Variants in MARCHF1 observed in about 807,000 individuals in gnomAD.
The protein encoded by MARCHF1 is membrane associated ring-CH-type finger 1.
MARCHF1 carries 40 observed loss-of-function variants against 54.2 expected under a neutral mutation model. That is an observed-to-expected ratio of 0.74 (90% confidence interval 0.57 to 0.96). The LOEUF (loss-of-function observed/expected upper bound fraction) is 0.96, where lower values mean the gene tolerates loss of function less well. MARCHF1 is among the 40% of genes least tolerant of loss of function. The pLI, the probability that MARCHF1 is intolerant of heterozygous loss-of-function variation, is 0.00. For synonymous variants in MARCHF1, 236 were observed against 236.3 expected, an observed-to-expected ratio of 1.00 and a Z score of 0.01; for missense variants, 586 against 656.5, an observed-to-expected ratio of 0.89 and a Z score of 1.17.
chr4:163,789,034 A>ATTTT (rs113116932), intron 4 of MARCHF1, among the ~76,000 whole-genome samples: 3,149 of 152,098 alleles, frequency 0.021, 65 homozygotes, highest in African/African-American at 0.051. Context: ...TCTAATGGTG[A>ATTTT]TTTTTGTTTC....
intron 3 of MARCHF1, among the ~76,000 whole-genome samples, chr4:163,979,794 G>A (rs1752724686): frequency 1.3e-5 from 2 of 152,048 alleles, no homozygotes; most frequent in Admixed American, 1.3e-4. Context: ...ATTTTTTCAT[G>A]TGTTTTTTGG....
At chr4:163,763,498 G>A (rs1463957122) in intron 4 of MARCHF1, among the ~76,000 whole-genome samples, 4 of 151,926 alleles carry the variant, frequency 2.6e-5, no homozygotes, top group Admixed American at 6.6e-5. Context: ...GCAGATACTC[G>A]TTTTTCTCAG....
intron 4 of MARCHF1, among the ~76,000 whole-genome samples, chr4:163,825,537 T>C (rs1748825445): frequency 6.6e-6 from 1 of 152,088 alleles, no homozygotes. Context: ...CCACAATGGC[T>C]GAACTAATTT....
chr4:164,037,675 A>G (rs1027941888), intron 2 of MARCHF1, among the ~76,000 whole-genome samples: 1 of 152,208 alleles, frequency 6.6e-6, no homozygotes, highest in East Asian at 1.9e-4. Flanking sequence ...CTTCAATCCA[A>G]TGAGTACAGT....
intron 8 of MARCHF1, among the ~76,000 whole-genome samples, chr4:163,557,783 C>CT (rs1395768977): frequency 6.6e-6 from 1 of 151,986 alleles, no homozygotes; most frequent in African/African-American, 2.4e-5. Flanking sequence ...ATGTTGAATA[C>CT]TTTTTCACTG....
chr4:164,121,187 G>A (rs1308696089), intron 1 of MARCHF1, among the ~76,000 whole-genome samples: 1 of 152,046 alleles, frequency 6.6e-6, no homozygotes, highest in Admixed American at 6.6e-5. Context: ...GCTACTATGA[G>A]CAATTATCTG....
chr4:163,717,706 G>C (rs910913351), intron 4 of MARCHF1, among the ~76,000 whole-genome samples: 1 of 152,126 alleles, frequency 6.6e-6, no homozygotes, highest in African/African-American at 2.4e-5. Flanking sequence ...GTGTGAGATG[G>C]TATCTCATTG....
At chr4:163,839,797 A>G (rs962168255) in intron 4 of MARCHF1, among the ~76,000 whole-genome samples, 1 of 152,112 alleles carries the variant, frequency 6.6e-6, no homozygotes, top group African/African-American at 2.4e-5. Flanking sequence ...GATTATACCG[A>G]TGATTGCAGA....
chr4:164,226,847 T>G (rs1348135350), intron 1 of MARCHF1, among the ~76,000 whole-genome samples: 1 of 152,028 alleles, frequency 6.6e-6, no homozygotes, highest in Non-Finnish European at 1.5e-5. Context: ...TGAATGAAAG[T>G]GTAACCAAAC....
intron 2 of MARCHF1, among the ~76,000 whole-genome samples, chr4:164,066,478 A>C (rs1188499452): frequency 2.0e-5 from 3 of 152,222 alleles, no homozygotes; most frequent in Admixed American, 2.0e-4. Flanking sequence ...AAAGACCTAC[A>C]GACAGAAATA....
chr4:163,857,107 G>GA (rs1191423637), intron 3 of MARCHF1, among the ~76,000 whole-genome samples: 2,113 of 130,026 alleles, frequency 0.016, 95 homozygotes, highest in Admixed American at 0.12. Flanking sequence ...GGGAGAGAGA[G>GA]AAAAAAAAAA....
chr4:164,052,793 C>T (rs999663461), intron 2 of MARCHF1, among the ~76,000 whole-genome samples: 7 of 151,924 alleles, frequency 4.6e-5, no homozygotes, highest in African/African-American at 1.7e-4. Flanking sequence ...CTTCCTGACA[C>T]CAGGATTAGA....
chr4:163,770,783 T>C (rs1017410728), intron 4 of MARCHF1, among the ~76,000 whole-genome samples: 3 of 152,144 alleles, frequency 2.0e-5, no homozygotes, highest in African/African-American at 7.2e-5. Context: ...TCAACGCTCA[T>C]GAGATGAGAA....
At chr4:164,172,145 G>A (rs550797060) in intron 1 of MARCHF1, among the ~76,000 whole-genome samples, 1 of 152,196 alleles carries the variant, frequency 6.6e-6, no homozygotes, top group Admixed American at 6.5e-5. Context: ...TAGTCTATAA[G>A]AGCAGAAACT....
At chr4:163,713,222 G>C (rs1246843141) in intron 4 of MARCHF1, among the ~76,000 whole-genome samples, 1 of 151,792 alleles carries the variant, frequency 6.6e-6, no homozygotes, top group Non-Finnish European at 1.5e-5. Context: ...GCCACTTTCC[G>C]GCCTATAGAA....
intron 2 of MARCHF1, among the ~76,000 whole-genome samples, chr4:163,998,621 T>C (rs1209420909): frequency 6.6e-6 from 1 of 151,738 alleles, no homozygotes; most frequent in Admixed American, 6.6e-5. Context: ...TTTATATCCT[T>C]TGACCAACAT....
intron 5 of MARCHF1, among the ~76,000 whole-genome samples, chr4:163,679,795 G>C (rs1391698914): frequency 1.3e-5 from 2 of 151,526 alleles, no homozygotes; most frequent in Admixed American, 1.3e-4. Context: ...TGTATTTTTA[G>C]TAGAGACGGG....
At position 164,110,811 on chromosome 4, in the gene MARCHF1, A is replaced by G. The variant is rs555228220; in HGVS notation, c.-248+777T>C. Among the ~76,000 whole-genome samples, 3 of 151,770 alleles carry G rather than the reference A, an allele frequency of 2.0e-5. No homozygotes were observed. The East Asian group carries it at 5.8e-4, about 29-fold the overall frequency. On this transcript the variant is annotated intron_variant, in intron 2 of 9. Coordinates refer to ENST00000514618, the MANE Select transcript of MARCHF1 (RefSeq NM_001394959.1). ...TAGGAAACTACTTATGGGCAAAGGGACTATTTTATCTCAATATCAGAAAGC... is the reference window on the plus strand; with the variant it reads ...TAGGAAACTACTTATGGGCAAAGGGGCTATTTTATCTCAATATCAGAAAGC...
chr4:164,240,488 C>G (rs1732708645), intron 1 of MARCHF1, among the ~76,000 whole-genome samples: 1 of 152,090 alleles, frequency 6.6e-6, no homozygotes, highest in Non-Finnish European at 1.5e-5. Context: ...GATTGTTACT[C>G]CCACCTGGCT....
Sources: allele counts gnomAD v4.1 joint callset (sites outside exome capture counted in the v4.1 genomes callset), GRCh38; gene constraint gnomAD v4.1.1; transcripts MANE v1.5; gene names NCBI Gene and HGNC (gene_info 2026-07-23, HGNC 2026-07-21).